The following FBXO33 variants were observed in gnomAD, a reference collection of about 807,000 sequenced individuals.
FBXO33 encodes F-box protein 33.
Under a neutral mutation model 46.3 loss-of-function variants are expected in FBXO33, and 22 were observed. The ratio of observed to expected loss-of-function variants is 0.48; its 90% CI spans 0.34 to 0.68. The LOEUF (loss-of-function observed/expected upper bound fraction) is 0.68. FBXO33 is among the 30% of genes least tolerant of loss of function. The pLI is 0.01. For synonymous variants in FBXO33, 337 were observed against 291.3 expected (o/e 1.16, Z -1.60); for missense variants, 692 against 708.8 (o/e 0.98, Z 0.27).
chr14:39,406,670 C>G (rs1470318070), intron 1 of FBXO33, among the ~76,000 whole-genome samples: 2 of 152,110 alleles, frequency 1.3e-5, no homozygotes, highest in African/African-American at 4.8e-5. Context: ...ACAAACTGTA[C>G]AGAAAGAGCT....
intron 1 of FBXO33, among the ~76,000 whole-genome samples, chr14:39,403,206 T>C (rs767180968): frequency 5.3e-5 from 8 of 152,180 alleles, no homozygotes; most frequent in African/African-American, 9.7e-5. Flanking sequence ...CCTGAAGATA[T>C]CTACTCAGTT....
rs34235810 is a variant in FBXO33 at position 39,417,536 on chromosome 14, ATTT to A, written c.599+14025_599+14027del. Among the ~76,000 whole-genome samples the A allele has an allele frequency of 6.7e-5, 10 of 149,090 alleles. 1 individual carries two copies. Among genetic ancestry groups the A allele is most frequent in the African/African-American group, 2.5e-4 (10 of 40,740 alleles). On this transcript the variant is annotated intron_variant, in intron 1 of 3. Coordinates refer to ENST00000298097, the MANE Select transcript of FBXO33 (RefSeq NM_203301.4). Reference sequence around the variant, plus strand: ...AAGGTATTTTAGTACAAGTATTGTTATTTTTTTTTTTTGAAACAGAGTCTTGCT... The same window carrying A: ...AAGGTATTTTAGTACAAGTATTGTTATTTTTTTTTGAAACAGAGTCTTGCT...
At chr14:39,417,635 A>G (rs867007300) in intron 1 of FBXO33, among the ~76,000 whole-genome samples, 2 of 152,086 alleles carry the variant, frequency 1.3e-5, no homozygotes, top group African/African-American at 4.8e-5. Context: ...GGTTCAAGCA[A>G]TTCTCCTGCC....
chr14:39,420,945 A>G (rs938771176), intron 1 of FBXO33, among the ~76,000 whole-genome samples: 58 of 152,316 alleles, frequency 3.8e-4, no homozygotes, highest in African/African-American at 1.3e-3. Flanking sequence ...GAGTTGCTGA[A>G]TACTGCTGTT....
intron 1 of FBXO33, among the ~76,000 whole-genome samples, chr14:39,411,246 C>T (rs758641249): frequency 1.3e-5 from 2 of 151,470 alleles, no homozygotes; most frequent in Non-Finnish European, 1.5e-5. Context: ...CAGGCGACCA[C>T]CACCACACCC....
rs1428119850 is a variant in FBXO33 at position 39,401,875 on chromosome 14, A to G, written c.711-14T>C. 1 of 1,589,426 alleles carries G rather than the reference A, an allele frequency of 6.3e-7. No homozygotes were observed. Among genetic ancestry groups the G allele is most frequent in the African/African-American group, 1.3e-5 (1 of 74,316 alleles). Reference sequence around the variant, plus strand: ...AGTTGCTGAATTCTATAAGGAAAACACATGCCACAGTGATCCCATTAACAT... The same window carrying G: ...AGTTGCTGAATTCTATAAGGAAAACGCATGCCACAGTGATCCCATTAACAT... On this transcript the variant is annotated splice_polypyrimidine_tract_variant and intron_variant, in intron 2 of 3. Transcript: ENST00000298097.
In FBXO33 at chr14:39,431,641, G is replaced by A. The variant is rs1424624843; in HGVS notation, c.522C>T (p.Leu174=). ...TGGEEVEALQ[L]SARWLEVLRT... is the part of the protein sequence containing the mutation. Reference sequence around the variant, plus strand: ...GCAGCACTTCCAGCCAACGAGCTGAGAGCTGCAGGGCCTCGACTTCCTCCC... The same window carrying A: ...GCAGCACTTCCAGCCAACGAGCTGAAAGCTGCAGGGCCTCGACTTCCTCCC... The change falls in exon 1 of 4, where the codon CTC becomes CTT. Residue 174 remains leucine (L), a synonymous_variant. Coordinates refer to ENST00000298097, the MANE Select transcript of FBXO33 (RefSeq NM_203301.4). The A allele has an allele frequency of 4.3e-6, 7 of 1,613,546 alleles. No homozygotes were observed. Among genetic ancestry groups the A allele is most frequent in the Middle Eastern group, 1.6e-4 (1 of 6,084 alleles).
At chr14:39,404,768 G>A (rs1323476615) in intron 1 of FBXO33, among the ~76,000 whole-genome samples, 4 of 152,208 alleles carry the variant, frequency 2.6e-5, no homozygotes, top group Admixed American at 2.0e-4. Flanking sequence ...GGAGTACAGA[G>A]AGTAAGTGAA....
intron 1 of FBXO33, among the ~76,000 whole-genome samples, chr14:39,429,380 C>CA (rs1430351971): frequency 6.6e-6 from 1 of 152,082 alleles, no homozygotes; most frequent in Admixed American, 6.5e-5. Context: ...AGAGCAATGT[C>CA]AAATGTCCCA....
In FBXO33 at chr14:39,399,739, C is replaced by T; in HGVS notation, c.1445G>A (p.Gly482Asp). ...HNLIAIARLRGSDLKVLEVTE... is the reference protein window; with the variant it reads ...HNLIAIARLRDSDLKVLEVTE... Reference sequence around the variant, plus strand: ...GACTTCAAGCACTTTCAGATCAGAGCCCCGAAGACGAGCAATGGCAATGAG... The same window carrying T: ...GACTTCAAGCACTTTCAGATCAGAGTCCCGAAGACGAGCAATGGCAATGAG... Residue 482 changes from glycine to aspartate, a missense_variant, in exon 4 of 4, where the codon GGC (glycine) becomes GAC (aspartate). Gly to Asp is a moderately conservative substitution (Grantham distance 94). This residue lies in a region of FBXO33 where 94 missense variants were observed against 91.9 expected (regional missense o/e 1.02). Coordinates refer to ENST00000298097, the MANE Select transcript of FBXO33 (RefSeq NM_203301.4). 6.2e-7 allele frequency: 1 copy of T among 1,610,982 alleles called. No homozygotes were observed. Among genetic ancestry groups the T allele is most frequent in the Non-Finnish European group, 8.5e-7 (1 of 1,177,464 alleles).
chr14:39,424,334 C>CT (rs1472623305), intron 1 of FBXO33, among the ~76,000 whole-genome samples: 101 of 152,320 alleles, frequency 6.6e-4, no homozygotes, highest in African/African-American at 2.3e-3. Context: ...GCATATATTA[C>CT]CAACTGAGAT....
intron 1 of FBXO33, among the ~76,000 whole-genome samples, chr14:39,425,162 A>C (rs1046220216): frequency 2.0e-5 from 3 of 152,172 alleles, no homozygotes; most frequent in South Asian, 2.1e-4. Context: ...TTGTCTTATT[A>C]TTCTTCTCAG....
chr14:39,417,732 T>G (rs1190156853), intron 1 of FBXO33, among the ~76,000 whole-genome samples: 1 of 152,120 alleles, frequency 6.6e-6, no homozygotes, highest in Non-Finnish European at 1.5e-5. Context: ...GGTTTCACCA[T>G]GTTGGCCAGG....
intron 1 of FBXO33, among the ~76,000 whole-genome samples, chr14:39,407,362 A>G (rs1455202367): frequency 1.3e-5 from 2 of 152,174 alleles, no homozygotes; most frequent in Admixed American, 6.5e-5. Context: ...GACTCACACA[A>G]TCCTAATAGG....
chr14:39,400,242 TTAAAGG>T (rs1337473280), intron 3 of FBXO33, among the ~76,000 whole-genome samples: 50 of 152,312 alleles, frequency 3.3e-4, no homozygotes, highest in African/African-American at 1.2e-3. Flanking sequence ...TAGTGACACT[TTAAAGG>T]TAAACTGTTA....
Position 39,431,925 on chromosome 14 carries a change from A to G in FBXO33, c.238T>C (p.Phe80Leu). The change falls in exon 1 of 4, where the codon TTC becomes CTC. Residue 80 changes from phenylalanine to leucine, a missense_variant. By Grantham distance (22) the Phe-to-Leu change is conservative. Coordinates refer to ENST00000298097, the MANE Select transcript of FBXO33 (RefSeq NM_203301.4). ...CGGTCGGGCGCCGGCAGAAAAGAGA[A>G]GATGTGCACGATCAGCTCGCTGGGC... ...SLPSELIVHI[F>L]SFLPAPDRLR... is the part of the protein sequence containing the mutation. 1 of 1,537,190 alleles carries G rather than the reference A, an allele frequency of 6.5e-7. No homozygotes were observed. Among genetic ancestry groups the G allele is most frequent in the Non-Finnish European group, 8.7e-7 (1 of 1,147,816 alleles).
At position 39,419,333 on chromosome 14, in the gene FBXO33, A is replaced by G. The variant is rs2075467791; in HGVS notation, c.599+12231T>C. Reference sequence around the variant, plus strand: ...AAATGTATTAAGTGATATGGAAAACAGTAACTTTAAAAGTTAGAAAACCAT... The same window carrying G: ...AAATGTATTAAGTGATATGGAAAACGGTAACTTTAAAAGTTAGAAAACCAT... On this transcript the variant is annotated intron_variant, in intron 1 of 3. Transcript: ENST00000298097. Among the ~76,000 whole-genome samples, 2 of 152,378 alleles carry G rather than the reference A, an allele frequency of 1.3e-5. 1 individual carries two copies. Among genetic ancestry groups the G allele is most frequent in the South Asian group, 4.1e-4 (2 of 4,826 alleles).
At chr14:39,425,798 G>T (rs1387459267) in intron 1 of FBXO33, among the ~76,000 whole-genome samples, 1 of 152,118 alleles carries the variant, frequency 6.6e-6, no homozygotes, top group Non-Finnish European at 1.5e-5. Context: ...TGTGACTATT[G>T]AGCGCTCGAA....
In FBXO33 at chr14:39,401,758, G is replaced by C; in HGVS notation, c.814C>G (p.Leu272Val). 1 of 1,614,210 alleles carries C rather than the reference G, an allele frequency of 6.2e-7. No homozygotes were observed. Among genetic ancestry groups the C allele is most frequent in the Non-Finnish European group, 8.5e-7 (1 of 1,180,040 alleles). ...ATGGTGTTGGCAACAGCATTAGAGAGAGATGACAGTGATGTTGGGGTTACT... is the reference window on the plus strand; with the variant it reads ...ATGGTGTTGGCAACAGCATTAGAGACAGATGACAGTGATGTTGGGGTTACT... ...EIVTPTSLSSLSNAVANTMEH... is the reference protein window; with the variant it reads ...EIVTPTSLSSVSNAVANTMEH... Residue 272 changes from leucine (L) to valine (V), a missense_variant, in exon 3 of 4, where the codon CTC becomes GTC. By Grantham distance (32) the Leu-to-Val change is conservative. Around this residue, in one of 3 missense-constraint regions of FBXO33, gnomAD observed 412 missense variants for 370.8 expected, o/e 1.11. Coordinates refer to ENST00000298097, the MANE Select transcript of FBXO33 (RefSeq NM_203301.4).
Sources: gnomAD v4.1 joint callset for allele counts (sites outside exome capture counted in the v4.1 genomes callset) on GRCh38, gnomAD v4.1.1 for gene constraint, gnomAD v4.1.1 regional missense constraint, MANE v1.5 for transcripts, NCBI Gene and HGNC (gene_info 2026-07-23, HGNC 2026-07-21) for gene names.